Variants in EML1 observed in about 807,000 individuals in gnomAD.
EML1 encodes the protein EMAP like 1.
A neutral mutation model predicts 110.4 loss-of-function variants in EML1; 27 were observed. That is an observed-to-expected ratio of 0.24 (90% CI 0.18 to 0.34). The LOEUF (loss-of-function observed/expected upper bound fraction) is 0.34. Among genes scored for constraint, EML1 ranks in the 10% least tolerant of loss-of-function variants. The pLI is 1.00. For synonymous variants in EML1, 344 were observed against 385.8 expected (o/e 0.89, Z 1.27); for missense variants, 741 against 1,030.9 (o/e 0.72, Z 3.85).
chr14:99,819,729 T>A (rs1338064514), intron 1 of EML1, among the ~76,000 whole-genome samples: 1 of 151,972 alleles, frequency 6.6e-6, no homozygotes, highest in East Asian at 1.9e-4. Context: ...GAAGCAGACA[T>A]GGGAGGGGGA....
At chr14:99,865,372 T>C (rs2059078150) in intron 2 of EML1, 142 bp from the exon 3 acceptor site, 2 of 993,142 alleles carry the variant, frequency 2.0e-6, no homozygotes, top group Non-Finnish European at 3.0e-6. Flanking sequence ...TAAATAGAGA[T>C]GAAGAGTTGC....
At chr14:99,858,205 C>CTT (rs1566902001) in intron 2 of EML1, among the ~76,000 whole-genome samples, 20 of 143,566 alleles carry the variant, frequency 1.4e-4, no homozygotes, top group African/African-American at 5.2e-4. Context: ...TTTTTTTAGG[C>CTT]AGAGTTTTTG....
intron 1 of EML1, among the ~76,000 whole-genome samples, chr14:99,797,806 C>T (rs1472434706): frequency 6.6e-6 from 1 of 152,166 alleles, no homozygotes; most frequent in Non-Finnish European, 1.5e-5. Context: ...AGCCTTTGAG[C>T]TGTTTCTTCA....
intron 1 of EML1, among the ~76,000 whole-genome samples, chr14:99,803,753 G>A (rs931251368): frequency 7.9e-5 from 12 of 152,068 alleles, no homozygotes; most frequent in South Asian, 6.2e-4. Context: ...GACTTAAATC[G>A]CCCCCCAAAA....
chr14:99,910,542 G>GCATTC (rs2059929781), intron 12 of EML1, among the ~76,000 whole-genome samples: 1 of 152,196 alleles, frequency 6.6e-6, no homozygotes, highest in Non-Finnish European at 1.5e-5. Context: ...AATAGTAAGA[G>GCATTC]TTACTGACCT....
intron 3 of EML1, among the ~76,000 whole-genome samples, chr14:99,871,029 T>C (rs888344234): frequency 1.3e-5 from 2 of 152,150 alleles, no homozygotes; most frequent in Non-Finnish European, 2.9e-5. Context: ...CGATTTTGGC[T>C]CACTGCAACC....
intron 2 of EML1, among the ~76,000 whole-genome samples, chr14:99,851,368 C>T (rs1010820628): frequency 1.4e-4 from 21 of 151,848 alleles, no homozygotes; most frequent in Non-Finnish European, 8.8e-5. Flanking sequence ...AGTGCAGTGG[C>T]GCGATCTGGG....
In EML1 at chr14:99,850,840, T is replaced by G. The variant is rs749716989; in HGVS notation, c.68-13T>G. ...GAACACTTAAAGCTCACTTGATCCTTTCTTTGGTTTAGATGACAGCGCTTC... is the reference window on the plus strand; with the variant it reads ...GAACACTTAAAGCTCACTTGATCCTGTCTTTGGTTTAGATGACAGCGCTTC... On this transcript the variant is annotated splice_polypyrimidine_tract_variant and intron_variant, in intron 1 of 21. Coordinates refer to ENST00000262233, the MANE Select transcript of EML1 (RefSeq NM_004434.3). 4.3e-6 allele frequency: 7 copies of G among 1,609,668 alleles called. No homozygotes were observed. The South Asian group carries it at 7.7e-5, about 18-fold the overall frequency.
chr14:99,743,383 T>C (rs977523357), intron 1 of EML1, among the ~76,000 whole-genome samples: 1 of 152,194 alleles, frequency 6.6e-6, no homozygotes, highest in African/African-American at 2.4e-5. Context: ...CTACCCTTCT[T>C]GGATAGTAGC....
rs1234788741 is a variant in EML1, at chr14:99,940,558, C to G, written c.*446C>G. 1 of 152,662 alleles carries G rather than the reference C, an allele frequency of 6.6e-6. No individual in the cohort carries two copies. Among genetic ancestry groups the G allele is most frequent in the African/African-American group, 2.4e-5 (1 of 41,452 alleles). 9.5% of individuals were successfully genotyped at this position (152,662 alleles called of 1,614,324 possible). On this transcript the variant is annotated 3_prime_UTR_variant, in exon 22 of 22. Transcript: ENST00000262233. ...TGTTGAGGAATTGGTCCTAAAAGGACAGATCACTTCAGAAGAGTGAATAAC... is the reference window on the plus strand; with the variant it reads ...TGTTGAGGAATTGGTCCTAAAAGGAGAGATCACTTCAGAAGAGTGAATAAC...
rs543669909 is a variant in EML1, at chr14:99,803,822, T to G, written c.67+10279T>G. Among the ~76,000 whole-genome samples, 7 of 152,360 alleles carry G rather than the reference T, an allele frequency of 4.6e-5. No individual in the cohort carries two copies. In the South Asian group the frequency reaches 1.0e-3, roughly 23 times the overall value. On this transcript the variant is annotated intron_variant, in intron 1 of 21. Transcript: ENST00000262233. Reference sequence around the variant, plus strand: ...AAATATGTTCCAGTTGAGAAACGATTGAATGGAATTAGGACTCTCTTATAC... The same window carrying G: ...AAATATGTTCCAGTTGAGAAACGATGGAATGGAATTAGGACTCTCTTATAC...
At chr14:99,899,887 A>G (rs8015592) in intron 8 of EML1, among the ~76,000 whole-genome samples, 84,663 of 151,802 alleles carry the variant, frequency 0.56, 24,048 homozygotes, top group African/African-American at 0.67. Flanking sequence ...TTACCCATAG[A>G]GAAATCCAGA....
intron 1 of EML1, among the ~76,000 whole-genome samples, chr14:99,805,697 A>T (rs1165130644): frequency 6.6e-6 from 1 of 151,974 alleles, no homozygotes; most frequent in Non-Finnish European, 1.5e-5. Flanking sequence ...GCTGGTTTTG[A>T]ACTCCTGGGC....
intron 1 of EML1, among the ~76,000 whole-genome samples, chr14:99,820,159 G>A (rs1442821796): frequency 1.3e-5 from 2 of 152,242 alleles, no homozygotes; most frequent in Non-Finnish European, 2.9e-5. Flanking sequence ...GTATGTGGTT[G>A]TGGAAGTTGA....
In EML1 at chr14:99,822,260, C is replaced by G. The variant is rs551960140; in HGVS notation, c.68-28593C>G. On this transcript the variant is annotated intron_variant, in intron 1 of 21. Transcript: ENST00000262233. ...CCATCGTTAATGGTGTTTTTGAATA[C>G]CAAATGCAGGCACTATATATGAGAA... is the stretch of plus-strand genomic sequence containing the variant. Among the ~76,000 whole-genome samples the G allele has an allele frequency of 1.2e-4, 19 of 152,216 alleles. No individual in the cohort carries two copies. In the South Asian group the frequency reaches 3.5e-3, roughly 28 times the overall value.
At chr14:99,739,119 A>AGTGTGTGTGTGTGTGTGT (rs71113220) in intron 1 of EML1, among the ~76,000 whole-genome samples, 1 of 134,910 alleles carries the variant, frequency 7.4e-6, no homozygotes. Flanking sequence ...AGAGAGAGAG[A>AGTGTGTGTGTGTGTGTGT]GTGTGTGTGT....
chr14:99,890,076 C>G (rs2059560364), intron 4 of EML1, among the ~76,000 whole-genome samples: 1 of 152,072 alleles, frequency 6.6e-6, no homozygotes, highest in Admixed American at 6.6e-5. Context: ...CATTGTGTTT[C>G]AAGTCAAAAA....
upstream of EML1, among the ~76,000 whole-genome samples, chr14:99,772,252 A>C (rs1014734864): frequency 6.6e-6 from 1 of 152,196 alleles, no homozygotes; most frequent in African/African-American, 2.4e-5. Context: ...CTCAGTTTAG[A>C]CTGCTTTTAA....
At chr14:99,850,482 A>T in intron 1 of EML1, 1 of 631,150 alleles carries the variant, frequency 1.6e-6, no homozygotes, top group South Asian at 1.8e-5. Flanking sequence ...CTAGAAGACC[A>T]TGCAGACTGG....
Sources: allele counts gnomAD v4.1 joint callset (sites outside exome capture counted in the v4.1 genomes callset), GRCh38; gene constraint gnomAD v4.1.1; transcripts MANE v1.5; gene names NCBI Gene and HGNC (gene_info 2026-07-23, HGNC 2026-07-21).